FNBP1: variants seen among roughly 807,000 people sequenced by gnomAD.
The protein encoded by FNBP1 is formin-binding protein 1.
A neutral mutation model predicts 90.6 loss-of-function variants in FNBP1; 26 were observed. That is an observed-to-expected ratio of 0.29 (90% CI 0.21 to 0.40). The LOEUF (loss-of-function observed/expected upper bound fraction) is 0.40, where lower values mean the gene tolerates loss of function less well. Ranked by LOEUF, FNBP1 falls within the 10% of genes least tolerant of loss-of-function variation. The pLI is 1.00. For missense variants in FNBP1, 635 were observed against 768.0 expected, an observed-to-expected ratio of 0.83 and a Z score of 2.05; for synonymous variants, 260 against 265.2, an observed-to-expected ratio of 0.98 and a Z score of 0.19.
At chr9:129,929,845 T>C (rs955234605) in intron 6 of FNBP1, 150 bp from the exon 7 acceptor site, 19 of 679,544 alleles carry the variant, frequency 2.8e-5, no homozygotes, top group Non-Finnish European at 4.2e-5. Context: ...ATGTTCTGAA[T>C]TGAATTGACT....
chr9:129,926,548 A>G (rs1345978106), intron 8 of FNBP1, among the ~76,000 whole-genome samples: 3 of 152,060 alleles, frequency 2.0e-5, no homozygotes, highest in East Asian at 1.9e-4. Context: ...AATGCCCCCA[A>G]CAAGAAAAAT....
chr9:129,947,466 G>GA (rs2045497305), intron 6 of FNBP1, among the ~76,000 whole-genome samples: 1 of 149,568 alleles, frequency 6.7e-6, no homozygotes, highest in African/African-American at 2.5e-5. Flanking sequence ...AAGAAAAAAA[G>GA]AAAAAACAAA....
At chr9:129,983,425 G>C (rs1267103260) in intron 2 of FNBP1, among the ~76,000 whole-genome samples, 2 of 152,062 alleles carry the variant, frequency 1.3e-5, no homozygotes, top group Non-Finnish European at 2.9e-5. Flanking sequence ...CATTTCAAAG[G>C]ATATTTATCT....
At chr9:130,000,160 G>C (rs2054611313) in intron 1 of FNBP1, among the ~76,000 whole-genome samples, 1 of 152,188 alleles carries the variant, frequency 6.6e-6, no homozygotes, top group Non-Finnish European at 1.5e-5. Context: ...TCTTTTACCT[G>C]TATATGATCA....
rs115867479 is a variant in FNBP1, at chr9:129,977,140, A to G, written c.345+1325T>C. Among the ~76,000 whole-genome samples the G allele has an allele frequency of 5.4e-3, 821 of 152,052 alleles. 5 individuals are homozygous for G. Among genetic ancestry groups the G allele is most frequent in the African/African-American group, 0.019 (790 of 41,460 alleles). ...CACCACTTCACTCGGGCCTGGACCA[A>G]AGGGTGAAACTCCGTCTCAAAAAAA... On this transcript the variant is annotated intron_variant, in intron 4 of 16. Transcript: ENST00000446176.
intron 1 of FNBP1, among the ~76,000 whole-genome samples, chr9:130,028,626 C>T (rs184810247): frequency 3.9e-5 from 6 of 152,148 alleles, no homozygotes; most frequent in Admixed American, 6.5e-5. Context: ...CAGTCTATAC[C>T]CCTCCCAGTC....
chr9:129,970,137 C>G (rs1013616072), intron 4 of FNBP1, among the ~76,000 whole-genome samples: 1 of 151,942 alleles, frequency 6.6e-6, no homozygotes, highest in Non-Finnish European at 1.5e-5. Flanking sequence ...GATCTCCCGA[C>G]CTCATGATCC....
chr9:130,019,001 G>A (rs1054763624), intron 1 of FNBP1, among the ~76,000 whole-genome samples: 4 of 152,146 alleles, frequency 2.6e-5, no homozygotes, highest in African/African-American at 9.7e-5. Flanking sequence ...GAGGCAAGTG[G>A]ATCGCCTGAG....
At chr9:130,030,693 C>T (rs929197461) in intron 1 of FNBP1, among the ~76,000 whole-genome samples, 1 of 152,166 alleles carries the variant, frequency 6.6e-6, no homozygotes, top group African/African-American at 2.4e-5. Context: ...CCAGATTAGC[C>T]TACAGGGCGA....
intron 3 of FNBP1, among the ~76,000 whole-genome samples, chr9:129,978,850 T>C (rs1356589542): frequency 6.6e-6 from 1 of 152,222 alleles, no homozygotes; most frequent in Non-Finnish European, 1.5e-5. Flanking sequence ...TTTGGCTTCA[T>C]TGATACTTAG....
chr9:129,904,748 T>C (rs1328122857), intron 12 of FNBP1, among the ~76,000 whole-genome samples: 1 of 152,048 alleles, frequency 6.6e-6, no homozygotes, highest in Non-Finnish European at 1.5e-5. Context: ...GCATGCATCA[T>C]TCATTATTAT....
At chr9:129,929,942 A>G (rs1045778526) in intron 6 of FNBP1, among the ~76,000 whole-genome samples, 1 of 151,496 alleles carries the variant, frequency 6.6e-6, no homozygotes, top group African/African-American at 2.4e-5. Flanking sequence ...AGTTTGACAC[A>G]CCATTCTATA....
chr9:129,955,835 G>A (rs7029580), intron 6 of FNBP1, among the ~76,000 whole-genome samples: 110,119 of 140,576 alleles, frequency 0.78, 40,224 homozygotes, highest in Middle Eastern at 0.82. Context: ...CTTTTAGCGC[G>A]CACACACACA....
chr9:129,996,974 T>C (rs1412756712), intron 1 of FNBP1, among the ~76,000 whole-genome samples: 2 of 152,058 alleles, frequency 1.3e-5, no homozygotes, highest in African/African-American at 2.4e-5. Context: ...GGATTACAAG[T>C]GTGAGCCACT....
At chr9:129,956,107 T>C (rs1564425289) in intron 6 of FNBP1, among the ~76,000 whole-genome samples, 1 of 152,086 alleles carries the variant, frequency 6.6e-6, no homozygotes, top group Non-Finnish European at 1.5e-5. Flanking sequence ...GCTCAAGCAA[T>C]CCTCTTGCTT....
intron 1 of FNBP1, among the ~76,000 whole-genome samples, chr9:129,995,733 T>G (rs146911942): frequency 6.6e-6 from 1 of 152,164 alleles, no homozygotes; most frequent in Admixed American, 6.5e-5. Flanking sequence ...GACATGGAGA[T>G]ATCCAGGAAT....
intron 8 of FNBP1, 95 bp from the exon 9 acceptor site, chr9:129,925,252 A>C: frequency 1.1e-6 from 1 of 938,762 alleles, no homozygotes; most frequent in South Asian, 1.5e-5. Context: ...CATGCCTGTA[A>C]TCCCAGCACT....
chr9:130,025,000 T>C (rs2058206947), intron 1 of FNBP1, among the ~76,000 whole-genome samples: 1 of 152,018 alleles, frequency 6.6e-6, no homozygotes, highest in African/African-American at 2.4e-5. Flanking sequence ...GCCAACATAG[T>C]GAAACCCTGT....
At chr9:130,014,578 G>T (rs1483634219) in intron 1 of FNBP1, among the ~76,000 whole-genome samples, 1 of 151,996 alleles carries the variant, frequency 6.6e-6, no homozygotes, top group Non-Finnish European at 1.5e-5. Flanking sequence ...AGGCTGGGTG[G>T]CATGTACATG....
Sources: gnomAD v4.1 joint callset for allele counts (sites outside exome capture counted in the v4.1 genomes callset) on GRCh38, gnomAD v4.1.1 for gene constraint, MANE v1.5 for transcripts, NCBI Gene and HGNC (gene_info 2026-07-23, HGNC 2026-07-21) for gene names.